Variants in CLNK observed in about 807,000 individuals in gnomAD.
CLNK encodes cytokine-dependent hematopoietic cell linker.
Under a neutral mutation model 68.6 loss-of-function variants are expected in CLNK, and 74 were observed. That is an observed-to-expected ratio of 1.08 (90% confidence interval 0.89 to 1.31). The LOEUF is 1.31. CLNK is among the 50% of genes most tolerant of loss of function. The pLI is 0.00. For synonymous variants in CLNK, 198 were observed against 172.2 expected (o/e 1.15, Z -1.17); for missense variants, 553 against 515.3 (o/e 1.07, Z -0.71).
intron 4 of CLNK, among the ~76,000 whole-genome samples, chr4:10,575,571 C>T (rs1720530955): frequency 6.6e-6 from 1 of 152,270 alleles, no homozygotes; most frequent in Non-Finnish European, 1.5e-5. Flanking sequence ...CCCTGTGGTG[C>T]TTGGCTGGCG....
intron 2 of CLNK, among the ~76,000 whole-genome samples, chr4:10,605,278 C>G (rs115680115): frequency 6.6e-6 from 1 of 152,218 alleles, no homozygotes; most frequent in African/African-American, 2.4e-5. Context: ...AGTGACACAT[C>G]GCTTAATGAC....
the CLNK span, among the ~76,000 whole-genome samples, chr4:10,710,781 C>T: frequency 6.6e-6 from 1 of 152,176 alleles, no homozygotes; most frequent in South Asian, 2.1e-4. Flanking sequence ...TTGGTTATGT[C>T]TGTCTCCCTT....
At chr4:10,641,946 C>T (rs748910529) in intron 2 of CLNK, among the ~76,000 whole-genome samples, 13 of 152,140 alleles carry the variant, frequency 8.5e-5, no homozygotes, top group East Asian at 1.9e-4. Context: ...CACCATGTAA[C>T]GTGTGCCTTT....
At chr4:10,724,985 G>A in the CLNK span, among the ~76,000 whole-genome samples, 63,655 of 151,848 alleles carry the variant, frequency 0.42, 14,278 homozygotes, top group Middle Eastern at 0.56. Flanking sequence ...AGGGAAGAGG[G>A]CGGAGTCACG....
At chr4:10,594,257 C>G (rs1007537090) in intron 3 of CLNK, among the ~76,000 whole-genome samples, 4 of 152,162 alleles carry the variant, frequency 2.6e-5, no homozygotes, top group Admixed American at 2.6e-4. Context: ...AGCTCCTGCA[C>G]CCACCATTTC....
chr4:10,716,781 C>A, the CLNK span, among the ~76,000 whole-genome samples: 116 of 147,392 alleles, frequency 7.9e-4, no homozygotes, highest in African/African-American at 2.6e-3. Context: ...GCAACCTCTG[C>A]CTCCTGGGTT....
rs7692088 is a variant in CLNK, at chr4:10,489,416, G to C, written c.*1051C>G. Reference sequence around the variant, plus strand: ...TTTAGTTTCCCTCAGACATATGCTTGCCTGAAGGCTAGTGTAGGATATAAT... The same window carrying C: ...TTTAGTTTCCCTCAGACATATGCTTCCCTGAAGGCTAGTGTAGGATATAAT... On this transcript the variant is annotated 3_prime_UTR_variant, in exon 19 of 19. Transcript: ENST00000226951. The C allele has an allele frequency of 0.48, 73,580 of 151,802 alleles. 18,081 individuals are homozygous for C. Among genetic ancestry groups the C allele is most frequent in the Non-Finnish European group, 0.52 (35,560 of 67,950 alleles). The allele number at this position is 151,802 out of a possible 1,614,324, so 9.4% of individuals were successfully genotyped here. A position where few individuals can be genotyped will look rare whatever the true frequency, so the allele number is the denominator to read the frequency against.
intron 16 of CLNK, among the ~76,000 whole-genome samples, chr4:10,512,084 TCATG>T (rs1418825054): frequency 6.6e-6 from 1 of 152,198 alleles, no homozygotes; most frequent in Non-Finnish European, 1.5e-5. Context: ...CAAGCCTGTC[TCATG>T]CCTATGAGGA....
chr4:10,607,043 C>G (rs1217467882), intron 2 of CLNK, among the ~76,000 whole-genome samples: 1 of 152,162 alleles, frequency 6.6e-6, no homozygotes, highest in African/African-American at 2.4e-5. Flanking sequence ...GGGCTCTAGC[C>G]ATTTGGGTCC....
chr4:10,548,150 G>A (rs1719308832), intron 8 of CLNK, among the ~76,000 whole-genome samples: 1 of 152,086 alleles, frequency 6.6e-6, no homozygotes, highest in Admixed American at 6.6e-5. Context: ...GCCAACACTT[G>A]CCATCTTTTG....
At chr4:10,510,345 T>C (rs1202396796) in intron 16 of CLNK, among the ~76,000 whole-genome samples, 16 of 152,216 alleles carry the variant, frequency 1.1e-4, no homozygotes, top group Admixed American at 1.0e-3. Context: ...TCTAATCTCT[T>C]CTTTAACAGA....
chr4:10,655,585 T>G (rs1723943718), intron 2 of CLNK, among the ~76,000 whole-genome samples: 1 of 151,096 alleles, frequency 6.6e-6, no homozygotes, highest in African/African-American at 2.4e-5. Context: ...CTAATAAAAC[T>G]TGGTTTACGA....
At chr4:10,710,857 A>C in the CLNK span, among the ~76,000 whole-genome samples, 4 of 151,964 alleles carry the variant, frequency 2.6e-5, no homozygotes, top group Admixed American at 6.6e-5. Context: ...TTCACATATC[A>C]CTCCTCCATA....
chr4:10,617,762 C>G (rs1247968006), intron 2 of CLNK, among the ~76,000 whole-genome samples: 1 of 152,218 alleles, frequency 6.6e-6, no homozygotes, highest in Non-Finnish European at 1.5e-5. Context: ...TTTGTTACTT[C>G]TTTGGCAGGC....
At chr4:10,597,555 G>C (rs1339594530) in intron 3 of CLNK, among the ~76,000 whole-genome samples, 4 of 152,172 alleles carry the variant, frequency 2.6e-5, no homozygotes, top group Admixed American at 2.6e-4. Flanking sequence ...TCAATTGAAG[G>C]ACAAAGGAAA....
At chr4:10,663,897 T>C (rs1318410155) in intron 2 of CLNK, among the ~76,000 whole-genome samples, 1 of 152,180 alleles carries the variant, frequency 6.6e-6, no homozygotes, top group Admixed American at 6.5e-5. Context: ...TTCCTTGCCT[T>C]CTTTACCATG....
At chr4:10,513,648 T>C in intron 15 of CLNK, 51 bp from the exon 16 acceptor site, 1 of 1,536,670 alleles carries the variant, frequency 6.5e-7, no homozygotes. Context: ...TGGTGCAGTC[T>C]GTCCCCCACC....
intron 2 of CLNK, among the ~76,000 whole-genome samples, chr4:10,630,658 C>T (rs1722851161): frequency 6.6e-6 from 1 of 152,190 alleles, no homozygotes; most frequent in Admixed American, 6.5e-5. Context: ...CTATCTACAC[C>T]ATCTGAGCAT....
chr4:10,628,532 A>G (rs1035414370), intron 2 of CLNK, among the ~76,000 whole-genome samples: 8 of 152,202 alleles, frequency 5.3e-5, no homozygotes, highest in African/African-American at 1.9e-4. Flanking sequence ...AATGTGGTCC[A>G]GCACATTGAG....
Sources: allele counts gnomAD v4.1 joint callset (sites outside exome capture counted in the v4.1 genomes callset), GRCh38; gene constraint gnomAD v4.1.1; transcripts MANE v1.5; gene names NCBI Gene and HGNC (gene_info 2026-07-23, HGNC 2026-07-21).